Variants in PROS1 observed in about 807,000 individuals in gnomAD.
The protein encoded by PROS1 is vitamin K-dependent protein S.
In PROS1, 29 loss-of-function variants were observed where a neutral mutation model predicts 75.9. The observed-to-expected ratio is 0.38, with a 90% CI of 0.28 to 0.52. The LOEUF (loss-of-function observed/expected upper bound fraction) is 0.52, where lower values mean the gene tolerates loss of function less well. Among genes scored for constraint, PROS1 ranks in the 20% least tolerant of loss-of-function variants. The probability of loss-of-function intolerance (pLI) is 0.83; values close to 1 mark genes in which losing one functional copy is unlikely to be tolerated. For synonymous variants in PROS1, 245 were observed against 280.6 expected (o/e 0.87, Z 1.27); for missense variants, 680 against 810.3 (o/e 0.84, Z 1.95).
chr3:93,906,680 GCC>G (rs1559935563), intron 4 of PROS1, among the ~76,000 whole-genome samples: 4 of 152,218 alleles, frequency 2.6e-5, no homozygotes, highest in African/African-American at 9.6e-5. Flanking sequence ...AGCTGCAGCT[GCC>G]CAAGCCTGGC....
chr3:93,946,635 C>T (rs931395304), intron 1 of PROS1, among the ~76,000 whole-genome samples: 2 of 152,062 alleles, frequency 1.3e-5, no homozygotes, highest in African/African-American at 2.4e-5. Flanking sequence ...CCCTTCCTTA[C>T]ACCTTATACA....
At chr3:93,944,880 G>T (rs1366110267) in intron 1 of PROS1, among the ~76,000 whole-genome samples, 2 of 151,898 alleles carry the variant, frequency 1.3e-5, no homozygotes, top group Non-Finnish European at 2.9e-5. Context: ...CTGGTTTTTT[G>T]AAAAGGTCAA....
In PROS1 at chr3:93,886,201, A is replaced by G; in HGVS notation, c.1323+135T>C. 3 of 723,326 alleles carry G rather than the reference A, an allele frequency of 4.1e-6. No homozygotes were observed. The East Asian group carries it at 7.8e-5, about 19-fold the overall frequency. 44.8% of individuals were successfully genotyped at this position (723,326 alleles called of 1,614,324 possible). ...CAAGGGTTACTAATGTTATTTTTCC[A>G]TGATCATTTCAAGTTGTCACACTTA... On this transcript the variant is annotated intron_variant, in intron 11 of 14. Coordinates refer to ENST00000394236, the MANE Select transcript of PROS1 (RefSeq NM_000313.4).
chr3:93,961,302 T>G (rs1341159808), intron 1 of PROS1, among the ~76,000 whole-genome samples: 1 of 152,138 alleles, frequency 6.6e-6, no homozygotes, highest in Non-Finnish European at 1.5e-5. Context: ...ATTTTGAGCT[T>G]TGCATGCCAA....
chr3:93,939,004 T>A (rs1709234840), intron 1 of PROS1, among the ~76,000 whole-genome samples: 1 of 152,254 alleles, frequency 6.6e-6, no homozygotes, highest in South Asian at 2.1e-4. Context: ...CCTCCTTCAC[T>A]ATGGGCAACC....
chr3:93,910,928 A>C, intron 3 of PROS1: 1 of 530,880 alleles, frequency 1.9e-6, no homozygotes, highest in Non-Finnish European at 3.4e-6. Context: ...TAAGTCTGTG[A>C]CAGCTTCTTC....
intron 1 of PROS1, among the ~76,000 whole-genome samples, chr3:93,958,046 C>T (rs1709636889): frequency 6.6e-6 from 1 of 151,880 alleles, no homozygotes; most frequent in Non-Finnish European, 1.5e-5. Context: ...CGAGATCATG[C>T]CACTGCACTC....
At chr3:93,959,903 T>C (rs1709675151) in intron 1 of PROS1, among the ~76,000 whole-genome samples, 1 of 152,232 alleles carries the variant, frequency 6.6e-6, no homozygotes, top group Non-Finnish European at 1.5e-5. Context: ...GTAATAATAC[T>C]AAGTAACTAC....
intron 9 of PROS1, among the ~76,000 whole-genome samples, chr3:93,893,888 C>T (rs1321978270): frequency 2.0e-5 from 3 of 152,128 alleles, no homozygotes; most frequent in Admixed American, 6.5e-5. Flanking sequence ...GCTATTAAGA[C>T]TCTAGACATA....
intron 1 of PROS1, among the ~76,000 whole-genome samples, chr3:93,956,288 G>A (rs773973964): frequency 1.3e-5 from 2 of 151,974 alleles, no homozygotes; most frequent in East Asian, 1.9e-4. Flanking sequence ...TTTATAAGGT[G>A]CAGCAATTTT....
Position 93,874,142 on chromosome 3 carries a change from A to G in PROS1, c.*103T>C, listed in dbSNP as rs1242964944. On this transcript the variant is annotated 3_prime_UTR_variant, in exon 15 of 15. Transcript: ENST00000394236. ...AAAAATCCCAGGAAAGGACCACAAAATAATCAAAGACTGCACATTGTAAAT... is the reference window on the plus strand; with the variant it reads ...AAAAATCCCAGGAAAGGACCACAAAGTAATCAAAGACTGCACATTGTAAAT... 5 of 1,341,612 alleles carry G rather than the reference A, an allele frequency of 3.7e-6. No homozygotes were observed. The highest frequency in any genetic ancestry group is 2.0e-5 in the Admixed American group (1 of 50,590). The allele number at this position is 1,341,612 out of a possible 1,614,324, so 83.1% of individuals were successfully genotyped here.
At chr3:93,936,405 A>G (rs1352536022) in intron 1 of PROS1, among the ~76,000 whole-genome samples, 1 of 152,134 alleles carries the variant, frequency 6.6e-6, no homozygotes, top group Admixed American at 6.6e-5. Context: ...CCCTGAATCT[A>G]AAATAGAAAG....
chr3:93,950,222 G>T (rs916113893), intron 1 of PROS1, among the ~76,000 whole-genome samples: 10 of 152,176 alleles, frequency 6.6e-5, no homozygotes, highest in African/African-American at 2.4e-4. Context: ...AGATCAAGGA[G>T]GCCTGCCTGT....
chr3:93,903,667 T>TA (rs1265983489), intron 6 of PROS1, among the ~76,000 whole-genome samples: 2 of 152,060 alleles, frequency 1.3e-5, no homozygotes, highest in Non-Finnish European at 2.9e-5. Flanking sequence ...CTATCTATCT[T>TA]AAAAAAACAA....
intron 2 of PROS1, among the ~76,000 whole-genome samples, chr3:93,925,499 C>T (rs532550578): frequency 6.6e-6 from 1 of 151,776 alleles, no homozygotes; most frequent in African/African-American, 2.4e-5. Context: ...CGAAAATGAT[C>T]ACACCTGTAA....
chr3:93,921,764 CTCTT>C (rs1708945700), intron 3 of PROS1, among the ~76,000 whole-genome samples: 2 of 152,160 alleles, frequency 1.3e-5, no homozygotes, highest in East Asian at 3.9e-4. Flanking sequence ...TTGGCATTTC[CTCTT>C]TCTCTTTTTT....
At chr3:93,945,347 C>A (rs1445077352) in intron 1 of PROS1, among the ~76,000 whole-genome samples, 2 of 151,944 alleles carry the variant, frequency 1.3e-5, no homozygotes, top group Non-Finnish European at 1.5e-5. Flanking sequence ...GGCAGAGACA[C>A]AACAACAAAA....
chr3:93,954,116 G>A (rs1411579357), intron 1 of PROS1, among the ~76,000 whole-genome samples: 4 of 152,178 alleles, frequency 2.6e-5, no homozygotes, highest in Non-Finnish European at 1.5e-5. Flanking sequence ...CTCATGGGTA[G>A]GAAGAATCAA....
chr3:93,938,514 G>A (rs1471918534), intron 1 of PROS1, among the ~76,000 whole-genome samples: 1 of 151,960 alleles, frequency 6.6e-6, no homozygotes, highest in Non-Finnish European at 1.5e-5. Flanking sequence ...CTCACTCCGT[G>A]AGGAGATCCA....
Sources: gnomAD v4.1 joint callset for allele counts (sites outside exome capture counted in the v4.1 genomes callset) on GRCh38, gnomAD v4.1.1 for gene constraint, MANE v1.5 for transcripts, NCBI Gene and HGNC (gene_info 2026-07-23, HGNC 2026-07-21) for gene names.